Variants in STK39 observed in about 807,000 individuals in gnomAD.
STK39 encodes the protein STE20/SPS1-related proline-alanine-rich protein kinase.
STK39 carries 20 observed loss-of-function variants against 77.8 expected under a neutral mutation model. That is an observed-to-expected ratio of 0.26 (90% CI 0.18 to 0.37). STK39 has a LOEUF of 0.37. Among genes scored for constraint, STK39 ranks in the 10% least tolerant of loss-of-function variants. The pLI is 1.00. For synonymous variants in STK39, 246 were observed against 234.1 expected, an observed-to-expected ratio of 1.05 and a Z score of -0.47; for missense variants, 479 against 656.5, an observed-to-expected ratio of 0.73 and a Z score of 2.95.
chr2:168,194,039 G>C (rs777481022), intron 1 of STK39, among the ~76,000 whole-genome samples: 1 of 152,154 alleles, frequency 6.6e-6, no homozygotes, highest in Non-Finnish European at 1.5e-5. Flanking sequence ...GAAGGGTCTC[G>C]CCCGCCTGCA....
At chr2:168,243,975 A>T (rs376006866) in intron 1 of STK39, among the ~76,000 whole-genome samples, 14 of 152,360 alleles carry the variant, frequency 9.2e-5, no homozygotes, top group African/African-American at 2.9e-4. Flanking sequence ...GAGTATAAAC[A>T]GGTCGGAAAG....
intron 2 of STK39, among the ~76,000 whole-genome samples, chr2:168,171,830 C>G (rs1688832774): frequency 6.6e-6 from 1 of 151,114 alleles, no homozygotes; most frequent in Non-Finnish European, 1.5e-5. Flanking sequence ...TGCTATATGG[C>G]CTTTCATTTC....
At chr2:168,163,644 G>C (rs1688629645) in intron 4 of STK39, 95 bp downstream of exon 4, 1 of 1,603,500 alleles carries the variant, frequency 6.2e-7, no homozygotes, top group East Asian at 2.3e-5. Flanking sequence ...GGTCACACCT[G>C]TGAATCTGAC....
chr2:168,205,411 G>A (rs1308932365), intron 1 of STK39, among the ~76,000 whole-genome samples: 1 of 151,898 alleles, frequency 6.6e-6, no homozygotes, highest in Non-Finnish European at 1.5e-5. Flanking sequence ...TTTCTTCAAT[G>A]AGCATATATT....
intron 1 of STK39, among the ~76,000 whole-genome samples, chr2:168,218,465 T>C (rs981776958): frequency 1.3e-5 from 2 of 152,184 alleles, no homozygotes; most frequent in African/African-American, 2.4e-5. Flanking sequence ...GGTCAGGTCA[T>C]AGGACAGCGG....
chr2:168,063,225 A>G (rs1367462455), intron 14 of STK39, among the ~76,000 whole-genome samples: 4 of 152,198 alleles, frequency 2.6e-5, no homozygotes, highest in African/African-American at 9.6e-5. Context: ...AAAGAAAAAA[A>G]AATCTAAGAA....
At chr2:168,225,308 C>T (rs541084818) in intron 1 of STK39, among the ~76,000 whole-genome samples, 2 of 69,632 alleles carry the variant, frequency 2.9e-5, no homozygotes, top group Non-Finnish European at 8.6e-5. Flanking sequence ...CTATCAAATA[C>T]ATCATAAAAT....
At chr2:168,235,039 ATTTT>A (rs556244576) in intron 1 of STK39, among the ~76,000 whole-genome samples, 1 of 141,042 alleles carries the variant, frequency 7.1e-6, no homozygotes, top group African/African-American at 2.6e-5. Flanking sequence ...TGAGTCAATA[ATTTT>A]TTTTTTTTTT....
At position 168,071,575 on chromosome 2, in the gene STK39, T is replaced by C. The variant is rs78369500; in HGVS notation, c.1242+3407A>G. Among the ~76,000 whole-genome samples, 145 of 152,240 alleles carry C rather than the reference T, an allele frequency of 9.5e-4. 1 individual carries two copies. The highest frequency in any genetic ancestry group is 3.4e-3 in the African/African-American group (140 of 41,534). ...ATATACTGATTGGTACAGCTATTGA[T>C]AGCAACTACAAAAATTCAAAATCAG... On this transcript the variant is annotated intron_variant, in intron 12 of 17. Transcript: ENST00000355999.
intron 1 of STK39, among the ~76,000 whole-genome samples, chr2:168,215,753 A>G (rs1208321850): frequency 1.3e-5 from 2 of 152,210 alleles, no homozygotes; most frequent in South Asian, 2.1e-4. Context: ...GGAAAGGGGG[A>G]AAAAATGGAA....
chr2:168,019,034 G>C (rs572101834), intron 14 of STK39, among the ~76,000 whole-genome samples: 1 of 151,656 alleles, frequency 6.6e-6, no homozygotes, highest in East Asian at 1.9e-4. Flanking sequence ...TGAGAGCCTT[G>C]GACCTTGAAC....
chr2:168,099,578 A>C (rs1237289561), intron 10 of STK39, among the ~76,000 whole-genome samples: 1 of 152,242 alleles, frequency 6.6e-6, no homozygotes, highest in Non-Finnish European at 1.5e-5. Flanking sequence ...ATAGGGGACC[A>C]AACTTTTGAC....
intron 14 of STK39, among the ~76,000 whole-genome samples, chr2:168,049,508 C>G (rs1343479784): frequency 6.6e-6 from 1 of 152,222 alleles, no homozygotes; most frequent in Non-Finnish European, 1.5e-5. Flanking sequence ...GATCAGATAA[C>G]ACAAGTTAGA....
intron 17 of STK39, among the ~76,000 whole-genome samples, chr2:167,961,322 C>T (rs1691954088): frequency 6.6e-6 from 1 of 152,170 alleles, no homozygotes; most frequent in African/African-American, 2.4e-5. Context: ...ACATATAATG[C>T]TATTAAACTT....
chr2:168,124,952 AT>A (rs1687502879), intron 10 of STK39, among the ~76,000 whole-genome samples: 1 of 152,034 alleles, frequency 6.6e-6, no homozygotes, highest in Non-Finnish European at 1.5e-5. Context: ...GGAGGGGAAC[AT>A]CACATACTGG....
At chr2:168,227,504 A>G (rs1240518473) in intron 1 of STK39, among the ~76,000 whole-genome samples, 1 of 152,192 alleles carries the variant, frequency 6.6e-6, no homozygotes, top group African/African-American at 2.4e-5. Flanking sequence ...AAGATACCAC[A>G]TATTTAATTC....
chr2:168,122,526 A>G (rs944087556), intron 10 of STK39, among the ~76,000 whole-genome samples: 3 of 151,806 alleles, frequency 2.0e-5, no homozygotes, highest in East Asian at 3.9e-4. Flanking sequence ...TGCAATTTCA[A>G]CCTCCTGGGC....
At chr2:168,235,128 C>T (rs918525455) in intron 1 of STK39, among the ~76,000 whole-genome samples, 4 of 151,518 alleles carry the variant, frequency 2.6e-5, no homozygotes, top group Admixed American at 6.6e-5. Flanking sequence ...ACCACCGCTT[C>T]TCGGGTTCAG....
intron 16 of STK39, among the ~76,000 whole-genome samples, chr2:167,979,196 A>C (rs1217932268): frequency 6.6e-6 from 1 of 152,202 alleles, no homozygotes; most frequent in Non-Finnish European, 1.5e-5. Context: ...GATACCTAGC[A>C]GTGGAATGGC....
Sources: allele counts gnomAD v4.1 joint callset (sites outside exome capture counted in the v4.1 genomes callset), GRCh38; gene constraint gnomAD v4.1.1; transcripts MANE v1.5; gene names NCBI Gene and HGNC (gene_info 2026-07-23, HGNC 2026-07-21).